Variants in LHX2 observed in about 807,000 individuals in gnomAD.
LHX2 encodes LIM homeobox 2, also known as LIM/homeobox protein Lhx2.
LHX2 carries 6 observed loss-of-function variants against 33.0 expected under a neutral mutation model. The observed-to-expected ratio is 0.18, with a 90% CI of 0.10 to 0.36. LHX2 has a LOEUF of 0.36. LHX2 is among the 10% of genes least tolerant of loss of function. The pLI is 1.00. For synonymous variants in LHX2, 292 were observed against 253.1 expected (o/e 1.15, Z -1.46); for missense variants, 442 against 586.2 (o/e 0.75, Z 2.54).
At chr9:124,017,087 C>T (rs1859204390) in intron 3 of LHX2, among the ~76,000 whole-genome samples, 2 of 152,196 alleles carry the variant, frequency 1.3e-5, no homozygotes, top group Non-Finnish European at 2.9e-5. Flanking sequence ...TGCTGTTCAG[C>T]CGCCGTTTGC....
At chr9:124,028,339 G>C (rs1464045889) in intron 4 of LHX2, among the ~76,000 whole-genome samples, 1 of 152,184 alleles carries the variant, frequency 6.6e-6, no homozygotes, top group African/African-American at 2.4e-5. Context: ...TTCTCTGTCT[G>C]AACTTCGCCT....
intron 4 of LHX2, among the ~76,000 whole-genome samples, chr9:124,026,825 G>C (rs529512313): frequency 2.0e-5 from 3 of 152,334 alleles, no homozygotes; most frequent in Admixed American, 6.5e-5. Flanking sequence ...AGAGCACAGA[G>C]ACCTGACCTG....
intron 4 of LHX2, among the ~76,000 whole-genome samples, chr9:124,023,398 G>T (rs1828552602): frequency 6.6e-6 from 1 of 152,220 alleles, no homozygotes; most frequent in South Asian, 2.1e-4. Flanking sequence ...GCATAGACAG[G>T]CTTGCTCTAT....
At position 124,012,232 on chromosome 9, in the gene LHX2, C is replaced by T. The variant is rs959932579; in HGVS notation, c.-117C>T. The stretch of plus-strand genomic sequence containing the variant: ...GGGCTCAGCCGAGCTCGGGCGGGGC[C>T]GGGGCCGCGGTGGCGATGCACCGGG... On this transcript the variant is annotated 5_prime_UTR_variant, in exon 1 of 5. Transcript: ENST00000373615. This position sits in a 1 kb window ranked among gnomAD's most constrained non-coding sequence, Gnocchi z 4.3. 2 of 1,083,752 alleles carry T rather than the reference C, an allele frequency of 1.8e-6. No homozygotes were observed. The highest frequency in any genetic ancestry group is 2.3e-6 in the Non-Finnish European group (2 of 858,258). 67.1% of individuals were successfully genotyped at this position (1,083,752 alleles called of 1,614,324 possible). A position where few individuals can be genotyped will look rare whatever the true frequency, so the allele number is the denominator to read the frequency against.
At position 124,025,860 on chromosome 9, in the gene LHX2, C is replaced by T. The variant is rs532551774; in HGVS notation, c.933+4556C>T. Among the ~76,000 whole-genome samples, 13 of 152,182 alleles carry T rather than the reference C, an allele frequency of 8.5e-5. No individual in the cohort carries two copies. The East Asian group carries it at 2.1e-3, about 25-fold the overall frequency. ...ATTAGCCAGGCATGGTGGCGCACAC[C>T]TGTAGTCCCAGGTACTCGGGAGGCT... On this transcript the variant is annotated intron_variant, in intron 4 of 4. Coordinates refer to ENST00000373615, the MANE Select transcript of LHX2 (RefSeq NM_004789.4).
intron 4 of LHX2, chr9:124,031,673 A>G (rs1345972536): frequency 2.0e-5 from 3 of 152,256 alleles, no homozygotes; most frequent in Non-Finnish European, 2.9e-5. Context: ...TAGCCAAACT[A>G]TTAATCATTT....
Position 124,012,220 on chromosome 9 carries a change from C to G in LHX2, c.-129C>G, listed in dbSNP as rs1859101732. ...AGCCCGGCCTGGGGGCTCAGCCGAG[C>G]TCGGGCGGGGCCGGGGCCGCGGTGG... On this transcript the variant is annotated 5_prime_UTR_variant, in exon 1 of 5. Coordinates refer to ENST00000373615, the MANE Select transcript of LHX2 (RefSeq NM_004789.4). The surrounding 1 kb of genome is among the most constrained non-coding windows in gnomAD (Gnocchi z 4.3). The G allele has an allele frequency of 3.1e-6, 3 of 974,016 alleles. No individual in the cohort carries two copies. Among genetic ancestry groups the G allele is most frequent in the Non-Finnish European group, 3.9e-6 (3 of 769,264 alleles). 60.3% of individuals were successfully genotyped at this position (974,016 alleles called of 1,614,324 possible). A position where few individuals can be genotyped will look rare whatever the true frequency, so the allele number is the denominator to read the frequency against.
In LHX2 at chr9:124,032,635, T is replaced by A; in HGVS notation, c.1149T>A (p.Thr383=). The A allele has an allele frequency of 1.2e-6, 2 of 1,614,050 alleles. No homozygotes were observed. The highest frequency in any genetic ancestry group is 1.7e-6 in the Non-Finnish European group (2 of 1,179,928). ...PTLPTVTSVL[T]SVPGNLEGHE... is the part of the protein sequence containing the mutation. ...TGCCAACTGTGACGTCCGTCTTAACTTCTGTGCCTGGCAACCTGGAGGGCC... is the reference window on the plus strand; with the variant it reads ...TGCCAACTGTGACGTCCGTCTTAACATCTGTGCCTGGCAACCTGGAGGGCC... The change falls in exon 5 of 5, where the codon ACT becomes ACA. Residue 383 remains threonine (T), a synonymous_variant. Coordinates refer to ENST00000373615, the MANE Select transcript of LHX2 (RefSeq NM_004789.4). The surrounding 1 kb of genome is among the most constrained non-coding windows in gnomAD (Gnocchi z 4.1).
intron 4 of LHX2, among the ~76,000 whole-genome samples, chr9:124,027,165 T>C (rs1343932838): frequency 1.3e-5 from 2 of 152,188 alleles, no homozygotes; most frequent in African/African-American, 4.8e-5. Flanking sequence ...GTTCAGTGCT[T>C]ATTACTTTTG....
rs1248304543 is a variant in LHX2 at position 124,013,941 on chromosome 9, C to T, written c.121-20C>T. On this transcript the variant is annotated intron_variant, in intron 1 of 4. Coordinates refer to ENST00000373615, the MANE Select transcript of LHX2 (RefSeq NM_004789.4). ...TGGCTGACGCAGGCGCTGCTGTCTT[C>T]CGCCTCCCTCCCTTCGCAGACCATG... is the stretch of plus-strand genomic sequence containing the variant. The T allele has an allele frequency of 2.5e-6, 4 of 1,606,198 alleles. No individual in the cohort carries two copies. Among genetic ancestry groups the T allele is most frequent in the Non-Finnish European group, 3.4e-6 (4 of 1,175,714 alleles).
In LHX2 at chr9:124,014,990, C is replaced by A; in HGVS notation, c.324-132C>A. ...AAATCTAGTTCTCTCTCCCCCCCAT[C>A]CTCCAAATAAAGGCCGGGTTGTTCG... On this transcript the variant is annotated intron_variant, in intron 2 of 4. Coordinates refer to ENST00000373615, the MANE Select transcript of LHX2 (RefSeq NM_004789.4). The surrounding 1 kb of genome is among the most constrained non-coding windows in gnomAD (Gnocchi z 4.8). 1 of 968,280 alleles carries A rather than the reference C, an allele frequency of 1.0e-6. No homozygotes were observed. Among genetic ancestry groups the A allele is most frequent in the Non-Finnish European group, 1.5e-6 (1 of 652,932 alleles). The allele number at this position is 968,280 out of a possible 1,614,324, so 60.0% of individuals were successfully genotyped here.
intron 4 of LHX2, among the ~76,000 whole-genome samples, chr9:124,022,421 G>C (rs1056247895): frequency 2.6e-5 from 4 of 152,198 alleles, no homozygotes; most frequent in African/African-American, 9.7e-5. Context: ...TTCGTACAAA[G>C]AGAAGGCAAG....
rs528211879 is a variant in LHX2 at position 124,030,484 on chromosome 9, C to T, written c.934-1936C>T. On this transcript the variant is annotated intron_variant, in intron 4 of 4. Coordinates refer to ENST00000373615, the MANE Select transcript of LHX2 (RefSeq NM_004789.4). ...AGGACTTTTTCCTTGGAAGGTTCAA[C>T]CCCCCCAGAGTGGCCTGGATTTCCT... 3.3e-5 allele frequency among the ~76,000 whole-genome samples: 5 copies of T among 152,198 alleles called. No homozygotes were observed. In the South Asian group the frequency reaches 8.3e-4, roughly 25 times the overall value.
rs145840621 is a variant in LHX2 at position 124,017,167 on chromosome 9, G to A, written c.727+1642G>A. On this transcript the variant is annotated intron_variant, in intron 3 of 4. Coordinates refer to ENST00000373615, the MANE Select transcript of LHX2 (RefSeq NM_004789.4). ...CTCTACAAGAGACACCCTCCATTCA[G>A]CCATCTCACTTTCTCTCTGGCCTCC... 2.1e-3 allele frequency among the ~76,000 whole-genome samples: 314 copies of A among 152,316 alleles called. 1 individual carries two copies. Among genetic ancestry groups the A allele is most frequent in the Non-Finnish European group, 3.5e-3 (238 of 68,026 alleles).
In LHX2 at chr9:124,016,474, G is replaced by A. The variant is rs543891544; in HGVS notation, c.727+949G>A. Among the ~76,000 whole-genome samples the A allele has an allele frequency of 2.0e-5, 3 of 152,336 alleles. No individual in the cohort carries two copies. The South Asian group carries it at 6.2e-4, about 32-fold the overall frequency. Reference sequence around the variant, plus strand: ...TGCAATTATTTTCTTTCTTTCGTTTGCAACAGAATTAGATTTGGAGATTTT... The same window carrying A: ...TGCAATTATTTTCTTTCTTTCGTTTACAACAGAATTAGATTTGGAGATTTT... On this transcript the variant is annotated intron_variant, in intron 3 of 4. Coordinates refer to ENST00000373615, the MANE Select transcript of LHX2 (RefSeq NM_004789.4). The surrounding 1 kb of genome is among the most constrained non-coding windows in gnomAD (Gnocchi z 4.4).
chr9:124,030,927 C>A (rs1828696854), intron 4 of LHX2, among the ~76,000 whole-genome samples: 1 of 152,090 alleles, frequency 6.6e-6, no homozygotes, highest in Non-Finnish European at 1.5e-5. Flanking sequence ...GCCACTGTGC[C>A]CGTCCTTAGA....
chr9:124,020,476 TG>T (rs1859273243), intron 3 of LHX2, among the ~76,000 whole-genome samples: 1 of 152,144 alleles, frequency 6.6e-6, no homozygotes, highest in Non-Finnish European at 1.5e-5. Flanking sequence ...CTTTTGGGTG[TG>T]GCAAAATGAA....
intron 3 of LHX2, among the ~76,000 whole-genome samples, chr9:124,019,143 C>T (rs987859771): frequency 6.6e-6 from 1 of 152,202 alleles, no homozygotes; most frequent in African/African-American, 2.4e-5. Context: ...TTTAAATTGC[C>T]GGACCCGCGC....
At chr9:124,018,993 G>A (rs1012727981) in intron 3 of LHX2, among the ~76,000 whole-genome samples, 5 of 152,228 alleles carry the variant, frequency 3.3e-5, no homozygotes, top group African/African-American at 1.2e-4. Context: ...CTCGGTGGAG[G>A]GATGGGCCCA....
Sources: gnomAD v4.1 joint callset for allele counts (sites outside exome capture counted in the v4.1 genomes callset) on GRCh38, gnomAD v4.1.1 for gene constraint, Gnocchi (gnomAD v3.1) non-coding constraint, MANE v1.5 for transcripts, NCBI Gene and HGNC (gene_info 2026-07-23, HGNC 2026-07-21) for gene names.